Variants in TENM3 observed in about 807,000 individuals in gnomAD.
TENM3 encodes the protein teneurin-3.
Under a neutral mutation model 255.1 loss-of-function variants are expected in TENM3, and 63 were observed. That is an observed-to-expected ratio of 0.25 (90% CI 0.20 to 0.30). The LOEUF (loss-of-function observed/expected upper bound fraction) is 0.30. Ranked by LOEUF, TENM3 falls within the 10% of genes least tolerant of loss-of-function variation. TENM3 has a pLI of 1.00. For missense variants in TENM3, 2,929 were observed against 3,461.1 expected, an observed-to-expected ratio of 0.85 and a Z score of 3.86; for synonymous variants, 1,306 against 1,322.3, an observed-to-expected ratio of 0.99 and a Z score of 0.27.
At chr4:181,982,392 G>T in the TENM3 span, among the ~76,000 whole-genome samples, 1 of 152,136 alleles carries the variant, frequency 6.6e-6, no homozygotes, top group Admixed American at 6.6e-5. Context: ...CCTTTGGGAG[G>T]CGGATGTACA....
the TENM3 span, among the ~76,000 whole-genome samples, chr4:181,477,148 C>T: frequency 6.6e-6 from 1 of 152,140 alleles, no homozygotes; most frequent in Non-Finnish European, 1.5e-5. Flanking sequence ...AAGTTCTACT[C>T]AGCGCCAGTT....
At chr4:182,389,928 G>A (rs1335244156) in intron 3 of TENM3, among the ~76,000 whole-genome samples, 3 of 151,912 alleles carry the variant, frequency 2.0e-5, no homozygotes, top group Non-Finnish European at 2.9e-5. Flanking sequence ...CTCGTGATCC[G>A]CCCGCCTCAG....
chr4:182,691,780 G>A (rs1022845346), intron 12 of TENM3, among the ~76,000 whole-genome samples: 2 of 152,080 alleles, frequency 1.3e-5, no homozygotes, highest in Middle Eastern at 3.2e-3. Flanking sequence ...TCCCCAGAAA[G>A]CATTCATGAT....
At chr4:182,743,128 C>G (rs1178680897) in intron 18 of TENM3, 42 bp from the exon 19 acceptor site, 1 of 1,554,530 alleles carries the variant, frequency 6.4e-7, no homozygotes, top group Admixed American at 1.9e-5. Flanking sequence ...CATCTTTACA[C>G]TTTTTCATCA....
the TENM3 span, among the ~76,000 whole-genome samples, chr4:181,740,899 C>T: frequency 2.0e-5 from 3 of 152,236 alleles, no homozygotes; most frequent in African/African-American, 7.2e-5. Context: ...GGGAAAAATA[C>T]AGAGCCCCAC....
the TENM3 span, among the ~76,000 whole-genome samples, chr4:181,805,648 T>A: frequency 3.0e-4 from 46 of 151,896 alleles, no homozygotes; most frequent in Non-Finnish European, 6.5e-4. Flanking sequence ...ATCTGTTCCC[T>A]CCACCATGAG....
chr4:182,294,820 A>G (rs575950618), intron 1 of TENM3, among the ~76,000 whole-genome samples: 7 of 152,354 alleles, frequency 4.6e-5, no homozygotes, highest in Middle Eastern at 3.4e-3. Context: ...GATATGACTC[A>G]GAAATCTTGA....
chr4:181,800,354 G>A, the TENM3 span, among the ~76,000 whole-genome samples: 6 of 152,262 alleles, frequency 3.9e-5, no homozygotes, highest in Admixed American at 6.5e-5. Context: ...TTCCTAGGCC[G>A]GGAAAGGTGG....
At chr4:182,612,169 G>A (rs1341614074) in intron 4 of TENM3, among the ~76,000 whole-genome samples, 2 of 151,876 alleles carry the variant, frequency 1.3e-5, no homozygotes, top group African/African-American at 4.8e-5. Flanking sequence ...CTACAGGGGA[G>A]GCTGAGGCAG....
intron 3 of TENM3, among the ~76,000 whole-genome samples, chr4:182,489,937 C>G (rs1222987612): frequency 1.3e-5 from 2 of 151,586 alleles, no homozygotes; most frequent in Non-Finnish European, 2.9e-5. Context: ...AAATAACAGT[C>G]TACTAGAGAA....
At chr4:181,780,279 C>T in the TENM3 span, among the ~76,000 whole-genome samples, 3 of 152,092 alleles carry the variant, frequency 2.0e-5, no homozygotes, top group Admixed American at 1.3e-4. Context: ...CCTATTTCTC[C>T]ACATCCTCTC....
chr4:182,565,592 T>C (rs972236871), intron 3 of TENM3, among the ~76,000 whole-genome samples: 3 of 152,198 alleles, frequency 2.0e-5, no homozygotes, highest in Non-Finnish European at 4.4e-5. Flanking sequence ...CAATGATCAT[T>C]TACCAGTATG....
chr4:182,328,855 G>C (rs953395252), intron 2 of TENM3, among the ~76,000 whole-genome samples: 1 of 152,062 alleles, frequency 6.6e-6, no homozygotes, highest in Admixed American at 6.6e-5. Context: ...GATCCCACTG[G>C]GGAGAGGAAA....
intron 12 of TENM3, among the ~76,000 whole-genome samples, 155 bp downstream of exon 12, chr4:182,688,506 A>G (rs77215208): frequency 6.6e-6 from 1 of 152,340 alleles, no homozygotes; most frequent in South Asian, 2.1e-4. Flanking sequence ...TTGTCATTTT[A>G]TAATGGCAAT....
intron 1 of TENM3, among the ~76,000 whole-genome samples, chr4:182,252,551 C>T (rs895570156): frequency 2.6e-5 from 4 of 152,182 alleles, no homozygotes; most frequent in Non-Finnish European, 4.4e-5. Context: ...ATTTTTTCCA[C>T]TCAGACTTTC....
chr4:181,846,017 C>A, the TENM3 span, among the ~76,000 whole-genome samples: 1 of 152,154 alleles, frequency 6.6e-6, no homozygotes, highest in Non-Finnish European at 1.5e-5. Flanking sequence ...TTGAAAGCCC[C>A]TTCTGAACTC....
At chr4:182,778,749 T>C (rs946954353) in intron 24 of TENM3, among the ~76,000 whole-genome samples, 1 of 150,126 alleles carries the variant, frequency 6.7e-6, no homozygotes, top group Admixed American at 6.6e-5. Flanking sequence ...TCTTTGAAAA[T>C]GGAGATTTTT....
chr4:181,477,154 CA>C, the TENM3 span, among the ~76,000 whole-genome samples: 1 of 152,098 alleles, frequency 6.6e-6, no homozygotes, highest in African/African-American at 2.4e-5. Context: ...TACTCAGCGC[CA>C]GTTACATTTT....
the TENM3 span, among the ~76,000 whole-genome samples, chr4:181,826,295 A>G: frequency 3.3e-5 from 5 of 152,222 alleles, no homozygotes; most frequent in Non-Finnish European, 5.9e-5. Flanking sequence ...GCCACTAGTT[A>G]TTTAACAAAG....
Sources: gnomAD v4.1 joint callset for allele counts (sites outside exome capture counted in the v4.1 genomes callset) on GRCh38, gnomAD v4.1.1 for gene constraint, MANE v1.5 for transcripts, NCBI Gene and HGNC (gene_info 2026-07-23, HGNC 2026-07-21) for gene names.